Variants in USP40 observed in about 807,000 individuals in gnomAD.
The protein encoded by USP40 is ubiquitin carboxyl-terminal hydrolase 40.
USP40 carries 143 observed loss-of-function variants against 166.2 expected under a neutral mutation model. The observed-to-expected ratio is 0.86, with a 90% confidence interval of 0.75 to 0.99. USP40 has a LOEUF of 0.99. USP40 is among the 50% of genes least tolerant of loss of function. The pLI is 0.00. For missense variants in USP40, 1,444 were observed against 1,479.7 expected (o/e 0.98, Z 0.40); for synonymous variants, 498 against 524.0 (o/e 0.95, Z 0.68).
rs1209220050 is a variant in USP40 at position 233,524,497 on chromosome 2, C to T, written c.1876G>A (p.Val626Met). The T allele has an allele frequency of 2.5e-6, 4 of 1,606,068 alleles. No homozygotes were observed. Among genetic ancestry groups the T allele is most frequent in the Admixed American group, 1.7e-5 (1 of 58,490 alleles). Reference sequence around the variant, plus strand: ...TCTTCAGTAATTTTTTTTACCTCCACCCCATTCCACACAAAGATGTCTTCC... The same window carrying T: ...TCTTCAGTAATTTTTTTTACCTCCATCCCATTCCACACAAAGATGTCTTCC... ...DGEDIFVWNGVEVGGVHIQTG... is the reference protein window; with the variant it reads ...DGEDIFVWNGMEVGGVHIQTG... Residue 626 changes from valine (V) to methionine (M), a missense_variant, in exon 15 of 32, where the codon GTG becomes ATG. Coordinates refer to ENST00000678225, the MANE Select transcript of USP40 (RefSeq NM_001365479.2).
At chr2:233,489,104 T>C (rs2065140680) in intron 27 of USP40, among the ~76,000 whole-genome samples, 1 of 152,138 alleles carries the variant, frequency 6.6e-6, no homozygotes. Flanking sequence ...TCCATCTCAC[T>C]CCAAATGCTT....
chr2:233,477,568 G>A (rs913334475), intron 31 of USP40, 65 bp from the exon 32 acceptor site: 50 of 1,376,596 alleles, frequency 3.6e-5, no homozygotes, highest in Admixed American at 5.4e-5. Context: ...AGGGGTTCAC[G>A]AAGACCCCAA....
intron 26 of USP40, 21 bp downstream of exon 26, chr2:233,491,146 T>C (rs1287183707): frequency 4.5e-6 from 7 of 1,542,274 alleles, no homozygotes; most frequent in Middle Eastern, 1.7e-4. Context: ...CACTAAGTTA[T>C]GGTGCAGGAA....
At chr2:233,562,910 T>G in intron 2 of USP40, 107 bp from the exon 3 acceptor site, 1 of 774,648 alleles carries the variant, frequency 1.3e-6, no homozygotes, top group Non-Finnish European at 1.9e-6. Context: ...GATTCAGAAA[T>G]ATGATTGTGG....
intron 27 of USP40, among the ~76,000 whole-genome samples, chr2:233,488,835 G>A (rs529465921): frequency 6.6e-6 from 1 of 152,104 alleles, no homozygotes; most frequent in Non-Finnish European, 1.5e-5. Context: ...GAGCCCAGGA[G>A]GTTGAGGCTG....
intron 7 of USP40, among the ~76,000 whole-genome samples, chr2:233,550,072 A>T (rs1185035792): frequency 6.6e-6 from 1 of 152,162 alleles, no homozygotes; most frequent in Non-Finnish European, 1.5e-5. Flanking sequence ...TCTGGCTTTG[A>T]CGTCTAAACT....
rs2065587244 is a variant in USP40, at chr2:233,494,919, TATATATATATATATA to T, written c.2791-1383_2791-1369del. Among the ~76,000 whole-genome samples, 63 of 80,280 alleles carry T rather than the reference TATATATATATATATA, an allele frequency of 7.8e-4. 1 individual carries two copies. Among genetic ancestry groups the T allele is most frequent in the Non-Finnish European group, 1.3e-3 (52 of 39,898 alleles). 52.7% of individuals were successfully genotyped at this position (80,280 alleles called of 152,430 possible). A position where few individuals can be genotyped will look rare whatever the true frequency, so the allele number is the denominator to read the frequency against. On this transcript the variant is annotated intron_variant, in intron 24 of 31. Transcript: ENST00000678225. Reference sequence around the variant, plus strand: ...ACTCATATACAAGCAAAATGGCATATATATATATATATATATATATATATATATATATATATTTAT... The same window carrying T: ...ACTCATATACAAGCAAAATGGCATATTATATATATATATATATATATTTAT...
rs373327166 is a variant in USP40, at chr2:233,555,497, T to C, written c.547-971A>G. Reference sequence around the variant, plus strand: ...TGGTTTATAATATATACGTGAAAAGTTAATGTCTTTAATTTATAATGGCCT... The same window carrying C: ...TGGTTTATAATATATACGTGAAAAGCTAATGTCTTTAATTTATAATGGCCT... On this transcript the variant is annotated intron_variant, in intron 5 of 31. Transcript: ENST00000678225. Among the ~76,000 whole-genome samples the C allele has an allele frequency of 1.3e-3, 203 of 152,278 alleles. 1 individual carries two copies. Among genetic ancestry groups the C allele is most frequent in the African/African-American group, 4.5e-3 (188 of 41,558 alleles).
At position 233,498,594 on chromosome 2, in the gene USP40, C is replaced by T. The variant is rs566530228; in HGVS notation, c.2669G>A (p.Arg890Gln). 6 of 1,613,196 alleles carry T rather than the reference C, an allele frequency of 3.7e-6. No homozygotes were observed. The highest frequency in any genetic ancestry group is 2.2e-5 in the East Asian group (1 of 44,858). ...AGCTTCATAGCACCAATCCATTTTT[C>T]GTAAATGCCAGGCATCTCCTATAAA... ...SGLQGDAWHL[R>Q]KMDWCYEAGE... The change falls in exon 23 of 32, where the codon CGA becomes CAA. Residue 890 changes from arginine to glutamine, a missense_variant. Arg to Gln is a conservative substitution (Grantham distance 43, BLOSUM62 1). Coordinates refer to ENST00000678225, the MANE Select transcript of USP40 (RefSeq NM_001365479.2).
At chr2:233,537,212 T>C (rs1379944656) in intron 10 of USP40, among the ~76,000 whole-genome samples, 1 of 152,096 alleles carries the variant, frequency 6.6e-6, no homozygotes, top group Non-Finnish European at 1.5e-5. Context: ...AATCTAGTGA[T>C]AGTTTAAAGA....
intron 5 of USP40, 103 bp from the exon 6 acceptor site, chr2:233,554,629 A>C (rs2070886806): frequency 1.2e-6 from 1 of 867,372 alleles, no homozygotes; most frequent in Non-Finnish European, 1.6e-6. Flanking sequence ...ATGTTTTCTA[A>C]AACATTACAA....
At chr2:233,507,885 G>C (rs1488814297) in intron 21 of USP40, among the ~76,000 whole-genome samples, 1 of 146,340 alleles carries the variant, frequency 6.8e-6, no homozygotes, top group Non-Finnish European at 1.5e-5. Context: ...TAATGAGTAT[G>C]CTAAATACCC....
At chr2:233,494,916 A>AGT (rs1553558017) in intron 24 of USP40, among the ~76,000 whole-genome samples, 1 of 8,578 alleles carries the variant, frequency 1.2e-4, no homozygotes, top group Admixed American at 1.1e-3. Context: ...GCAAAATGGC[A>AGT]TATATATATA....
intron 22 of USP40, among the ~76,000 whole-genome samples, chr2:233,499,241 T>C (rs923315003): frequency 2.7e-5 from 4 of 150,692 alleles, no homozygotes; most frequent in Non-Finnish European, 1.5e-5. Flanking sequence ...CTCCCACTTA[T>C]AAGTAAGAAC....
At position 233,565,503 on chromosome 2, in the gene USP40, A is replaced by G. The variant is rs747996622; in HGVS notation, c.52T>C (p.Tyr18His). Residue 18 changes from tyrosine to histidine, a missense_variant, in exon 2 of 32, where the codon TAT becomes CAT. By Grantham distance (83) the Tyr-to-His change is moderately conservative (BLOSUM62 2). Transcript: ENST00000678225. ...EEYSTVSNNQ[Y>H]GKGKKLKTKA... The stretch of plus-strand genomic sequence containing the variant: ...GTCTTTAATTTCTTCCCTTTTCCAT[A>G]CTGATTATTAGACACAGTGGAATAC... 3.8e-5 allele frequency: 58 copies of G among 1,537,118 alleles called. No homozygotes were observed. Among genetic ancestry groups the G allele is most frequent in the Non-Finnish European group, 4.9e-5 (56 of 1,146,868 alleles).
intron 11 of USP40, among the ~76,000 whole-genome samples, chr2:233,531,650 ATAGTTATGTAAC>A (rs1400883518): frequency 1.3e-5 from 2 of 152,192 alleles, no homozygotes; most frequent in Non-Finnish European, 2.9e-5. Context: ...CATTAACAGC[ATAGTTATGTAAC>A]TGTTTTAGAT....
chr2:233,559,963 A>C, intron 3 of USP40, 39 bp from the exon 4 acceptor site: 1 of 1,482,156 alleles, frequency 6.7e-7, no homozygotes, highest in East Asian at 2.4e-5. Context: ...TGAATTCTTT[A>C]AGTGTTGACT....
intron 30 of USP40, chr2:233,481,514 T>A: frequency 3.6e-6 from 2 of 557,472 alleles, no homozygotes; most frequent in South Asian, 4.5e-5. Flanking sequence ...TTTCCAGCCA[T>A]CTGACCTTTC....
chr2:233,496,904 C>A (rs886794135), intron 23 of USP40, 72 bp from the exon 24 acceptor site: 5 of 1,107,770 alleles, frequency 4.5e-6, no homozygotes, highest in African/African-American at 1.6e-5. Context: ...TTTTTAAAAC[C>A]CCATGCCTCT....
Sources: allele counts gnomAD v4.1 joint callset (sites outside exome capture counted in the v4.1 genomes callset), GRCh38; gene constraint gnomAD v4.1.1; transcripts MANE v1.5; gene names NCBI Gene and HGNC (gene_info 2026-07-23, HGNC 2026-07-21).